Variants in TAS2R1 observed in about 807,000 individuals in gnomAD.
TAS2R1 encodes the protein taste 2 receptor member 1, also known as taste receptor type 2 member 1.
For synonymous variants in TAS2R1, 141 were observed against 134.2 expected (o/e 1.05, Z -0.35); for missense variants, 370 against 353.4 (o/e 1.05, Z -0.38).
At chr5:9,735,560 T>A in the TAS2R1 span, among the ~76,000 whole-genome samples, 1,015 of 148,848 alleles carry the variant, frequency 6.8e-3, 15 homozygotes, top group African/African-American at 0.024. Context: ...GATGGTGCCT[T>A]CATTTTAACC....
the TAS2R1 span, among the ~76,000 whole-genome samples, chr5:9,848,159 C>T: frequency 0.11 from 16,261 of 152,242 alleles, 945 homozygotes; most frequent in Non-Finnish European, 0.13. Flanking sequence ...ACTCTTATCA[C>T]TGCTTCTGTC....
At chr5:9,896,153 G>A in the TAS2R1 span, among the ~76,000 whole-genome samples, 2 of 152,172 alleles carry the variant, frequency 1.3e-5, no homozygotes, top group Admixed American at 6.5e-5. Flanking sequence ...GGCAACTTGG[G>A]TCTAGCCACC....
chr5:9,845,842 T>C, the TAS2R1 span, among the ~76,000 whole-genome samples: 2 of 152,178 alleles, frequency 1.3e-5, no homozygotes, highest in Admixed American at 1.3e-4. Context: ...GATAATGTAG[T>C]CAAGAATATC....
chr5:9,746,593 A>C, the TAS2R1 span, among the ~76,000 whole-genome samples: 1 of 152,248 alleles, frequency 6.6e-6, no homozygotes, highest in Non-Finnish European at 1.5e-5. Context: ...GCCATAAAAA[A>C]GAATGAGTTC....
chr5:9,796,720 G>GAAAA, the TAS2R1 span, among the ~76,000 whole-genome samples: 19 of 77,276 alleles, frequency 2.5e-4, no homozygotes, highest in African/African-American at 7.4e-4. Context: ...GCTATTTTCT[G>GAAAA]GAAAAAAAAA....
the TAS2R1 span, among the ~76,000 whole-genome samples, chr5:9,816,532 C>T: frequency 1.3e-5 from 2 of 150,912 alleles, no homozygotes; most frequent in African/African-American, 2.4e-5. Context: ...AAATCTATTG[C>T]TTTTTTTTTC....
At chr5:9,692,495 C>T (rs1052352497) in intron 1 of TAS2R1, among the ~76,000 whole-genome samples, 1 of 152,194 alleles carries the variant, frequency 6.6e-6, no homozygotes, top group Non-Finnish European at 1.5e-5. Flanking sequence ...AAAAGCTGTA[C>T]ACCTGGTCAG....
intron 1 of TAS2R1, among the ~76,000 whole-genome samples, chr5:9,660,889 G>C (rs933328539): frequency 6.6e-6 from 1 of 152,112 alleles, no homozygotes; most frequent in Non-Finnish European, 1.5e-5. Flanking sequence ...AAAGTTATAG[G>C]AGCTCAGGGC....
At chr5:9,742,046 C>T in the TAS2R1 span, among the ~76,000 whole-genome samples, 1 of 152,138 alleles carries the variant, frequency 6.6e-6, no homozygotes, top group African/African-American at 2.4e-5. Flanking sequence ...CACGCATGCA[C>T]CACTACGCCT....
At chr5:9,738,164 A>G in the TAS2R1 span, among the ~76,000 whole-genome samples, 485 of 152,306 alleles carry the variant, frequency 3.2e-3, 3 homozygotes, top group African/African-American at 0.011. Flanking sequence ...TTTTCTCTTC[A>G]GGATAAACTA....
the TAS2R1 span, among the ~76,000 whole-genome samples, chr5:9,823,889 C>A: frequency 6.6e-6 from 1 of 152,174 alleles, no homozygotes; most frequent in Non-Finnish European, 1.5e-5. Context: ...CAAAGTGCCA[C>A]TTACAGAATG....
At chr5:9,633,058 T>A (rs1422406987), upstream of TAS2R1, among the ~76,000 whole-genome samples, 1 of 151,882 alleles carries the variant, frequency 6.6e-6, no homozygotes, top group Non-Finnish European at 1.5e-5. Context: ...GATGTCAAAA[T>A]TACTTCTTGA....
the TAS2R1 span, among the ~76,000 whole-genome samples, chr5:9,740,610 C>G: frequency 1.3e-5 from 2 of 152,178 alleles, no homozygotes; most frequent in Admixed American, 6.5e-5. Flanking sequence ...ACCCAATTGC[C>G]TTCCAAAACC....
intron 1 of TAS2R1, among the ~76,000 whole-genome samples, chr5:9,680,984 C>T (rs1268217384): frequency 1.3e-5 from 2 of 152,174 alleles, no homozygotes; most frequent in African/African-American, 4.8e-5. Flanking sequence ...ATCACTAGAA[C>T]CCAGGAGGCG....
chr5:9,818,759 G>A, the TAS2R1 span, among the ~76,000 whole-genome samples: 1 of 152,226 alleles, frequency 6.6e-6, no homozygotes, highest in Non-Finnish European at 1.5e-5. Flanking sequence ...CCAAGGGGTG[G>A]GGAAATAGGC....
At chr5:9,796,740 G>GA in the TAS2R1 span, among the ~76,000 whole-genome samples, 1 of 102,800 alleles carries the variant, frequency 9.7e-6, no homozygotes, top group East Asian at 3.2e-4. Context: ...AAAAAAAAAA[G>GA]AAAAGAAAAA....
intron 1 of TAS2R1, among the ~76,000 whole-genome samples, chr5:9,690,984 C>A (rs991403654): frequency 1.3e-5 from 2 of 152,176 alleles, no homozygotes; most frequent in African/African-American, 4.8e-5. Flanking sequence ...ACAAAGTGTG[C>A]GTAGCCCGGG....
chr5:9,888,848 G>A, the TAS2R1 span, among the ~76,000 whole-genome samples: 7 of 152,208 alleles, frequency 4.6e-5, no homozygotes, highest in Non-Finnish European at 8.8e-5. Flanking sequence ...CCCAAGCAAG[G>A]ATAATGCCAA....
chr5:9,647,106 G>T (rs1268310397), intron 2 of TAS2R1, among the ~76,000 whole-genome samples: 1 of 152,028 alleles, frequency 6.6e-6, no homozygotes, highest in Non-Finnish European at 1.5e-5. Flanking sequence ...GAAAAACCAT[G>T]AACTCGGCTT....
Sources: allele counts gnomAD v4.1 joint callset (sites outside exome capture counted in the v4.1 genomes callset), GRCh38; gene constraint gnomAD v4.1.1; transcripts MANE v1.5; gene names NCBI Gene and HGNC (gene_info 2026-07-23, HGNC 2026-07-21).